Variants in JPH2 observed in about 807,000 individuals in gnomAD.
The protein encoded by JPH2 is junctophilin-2.
JPH2 carries 38 observed loss-of-function variants against 55.9 expected under a neutral mutation model. The observed-to-expected ratio is 0.68, with a 90% CI of 0.52 to 0.89. JPH2 has a LOEUF of 0.89. Among genes scored for constraint, JPH2 ranks in the 40% least tolerant of loss-of-function variants. The pLI is 0.00. For synonymous variants in JPH2, 480 were observed against 472.4 expected, an observed-to-expected ratio of 1.02 and a Z score of -0.21; for missense variants, 964 against 1,037.6, an observed-to-expected ratio of 0.93 and a Z score of 0.97.
Position 44,160,577 on chromosome 20 carries a change from T to G in JPH2, c.380-170A>C, listed in dbSNP as rs955818604. On this transcript the variant is annotated intron_variant, in intron 1 of 5. Coordinates refer to ENST00000372980, the MANE Select transcript of JPH2 (RefSeq NM_020433.5). The surrounding 1 kb of genome is among the most constrained non-coding windows in gnomAD (Gnocchi z 4.9). The stretch of plus-strand genomic sequence containing the variant: ...CTATGAGTGTTTGAGTCTACTCGAG[T>G]GTGCAATAACACGAGTGGGTGAGCC... Among the ~76,000 whole-genome samples the G allele has an allele frequency of 1.8e-4, 27 of 152,074 alleles. No individual in the cohort carries two copies. Among genetic ancestry groups the G allele is most frequent in the Non-Finnish European group, 2.6e-4 (18 of 67,988 alleles).
At chr20:44,117,596 C>T (rs1342122213) in intron 3 of JPH2, among the ~76,000 whole-genome samples, 1 of 152,248 alleles carries the variant, frequency 6.6e-6, no homozygotes, top group Non-Finnish European at 1.5e-5. Flanking sequence ...CATTCATGGG[C>T]TCCACCTGAG....
chr20:44,133,273 C>A (rs2072337661), intron 2 of JPH2, among the ~76,000 whole-genome samples: 1 of 150,402 alleles, frequency 6.6e-6, no homozygotes, highest in African/African-American at 2.5e-5. Context: ...TGCCAGGACC[C>A]ACACTAATAC....
chr20:44,177,102 C>T, intron 1 of JPH2: 2 of 985,494 alleles, frequency 2.0e-6, no homozygotes, highest in Non-Finnish European at 2.4e-6. Flanking sequence ...CTCATCAGTT[C>T]CCTTTAAGCA....
Position 44,159,895 on chromosome 20 carries a change from C to A in JPH2, c.892G>T (p.Asp298Tyr). 1 of 1,613,156 alleles carries A rather than the reference C, an allele frequency of 6.2e-7. No individual in the cohort carries two copies. The highest frequency in any genetic ancestry group is 8.5e-7 in the Non-Finnish European group (1 of 1,179,806). Residue 298 changes from aspartate to tyrosine, a missense_variant, in exon 2 of 6, where the codon GAC becomes TAC. Physicochemically the swap from Asp to Tyr is radical, Grantham distance 160 (BLOSUM62 -3). Transcript: ENST00000372980. The surrounding 1 kb of genome is among the most constrained non-coding windows in gnomAD (Gnocchi z 5.7). ...TETYMGEWKN[D>Y]KRSGFGVSER... ...CTCACGCCGAAGCCCGAGCGTTTGT[C>A]GTTCTTCCACTCGCCCATGTAGGTC...
chr20:44,170,702 GAC>G (rs1569216451), intron 1 of JPH2, among the ~76,000 whole-genome samples: 1 of 152,200 alleles, frequency 6.6e-6, no homozygotes, highest in Admixed American at 6.5e-5. Context: ...CCAGGGCTAA[GAC>G]AGCTTTGGAG....
chr20:44,120,873 T>C (rs1293469025), intron 2 of JPH2, among the ~76,000 whole-genome samples: 1 of 152,262 alleles, frequency 6.6e-6, no homozygotes, highest in Non-Finnish European at 1.5e-5. Context: ...TCTATACCAG[T>C]AGCTGAGCAT....
At chr20:44,181,122 C>G (rs1024450679) in intron 1 of JPH2, among the ~76,000 whole-genome samples, 1 of 152,086 alleles carries the variant, frequency 6.6e-6, no homozygotes, top group African/African-American at 2.4e-5. Flanking sequence ...CCTTCCCCTT[C>G]CCATGCGAGA....
chr20:44,161,163 AT>A (rs2072607257), intron 1 of JPH2, among the ~76,000 whole-genome samples: 1 of 152,124 alleles, frequency 6.6e-6, no homozygotes, highest in Non-Finnish European at 1.5e-5. Flanking sequence ...AGTTGACATT[AT>A]GGATGTGTAT....
chr20:44,169,173 A>ATT (rs59206814), intron 1 of JPH2, among the ~76,000 whole-genome samples: 5 of 136,942 alleles, frequency 3.7e-5, no homozygotes, highest in Admixed American at 7.3e-5. Flanking sequence ...GGCCTTGGGT[A>ATT]TTTTTTTTTT....
At chr20:44,115,213 G>A (rs999665878) in intron 4 of JPH2, among the ~76,000 whole-genome samples, 3 of 152,014 alleles carry the variant, frequency 2.0e-5, no homozygotes, top group African/African-American at 4.8e-5. Flanking sequence ...CTTTGTTGCC[G>A]CCGTTCCTAG....
At chr20:44,157,981 A>G (rs890406674) in intron 2 of JPH2, among the ~76,000 whole-genome samples, 5 of 152,184 alleles carry the variant, frequency 3.3e-5, no homozygotes, top group Non-Finnish European at 5.9e-5. Flanking sequence ...CTGCTGCTGT[A>G]CCCCACCCCA....
chr20:44,142,528 C>G (rs995656316), intron 2 of JPH2, among the ~76,000 whole-genome samples: 1 of 152,174 alleles, frequency 6.6e-6, no homozygotes. Context: ...CTCCCTCTCC[C>G]GGGCAGCTCC....
intron 2 of JPH2, among the ~76,000 whole-genome samples, chr20:44,135,446 C>G (rs184421555): frequency 6.6e-6 from 1 of 152,084 alleles, no homozygotes; most frequent in Admixed American, 6.6e-5. Context: ...GTCTCCATCC[C>G]CATCTTTCGG....
At chr20:44,153,337 C>G (rs1281436632) in intron 2 of JPH2, among the ~76,000 whole-genome samples, 1 of 152,134 alleles carries the variant, frequency 6.6e-6, no homozygotes, top group Non-Finnish European at 1.5e-5. Flanking sequence ...GGAAAGTGAG[C>G]CCAGAGGGGT....
intron 2 of JPH2, among the ~76,000 whole-genome samples, chr20:44,130,495 T>A (rs902582364): frequency 2.6e-5 from 4 of 152,222 alleles, no homozygotes; most frequent in Admixed American, 6.5e-5. Flanking sequence ...AGGACGGAGA[T>A]CTGGCTGCAC....
chr20:44,151,635 G>A (rs1249675940), intron 2 of JPH2, among the ~76,000 whole-genome samples: 1 of 152,296 alleles, frequency 6.6e-6, no homozygotes, highest in South Asian at 2.1e-4. Flanking sequence ...AGACCGGGGA[G>A]ACCTGGTTCC....
chr20:44,169,018 G>A (rs933700933), intron 1 of JPH2, among the ~76,000 whole-genome samples: 5 of 152,112 alleles, frequency 3.3e-5, no homozygotes, highest in African/African-American at 1.2e-4. Flanking sequence ...CTTGCCATGT[G>A]ATCTCTGCAC....
chr20:44,119,733 G>A (rs2072220840), intron 2 of JPH2, among the ~76,000 whole-genome samples: 1 of 152,058 alleles, frequency 6.6e-6, no homozygotes. Flanking sequence ...AATTAGCCGG[G>A]CATGGTGGCG....
At position 44,185,601 on chromosome 20, in the gene JPH2, C is replaced by A. The variant is rs115866378; in HGVS notation, c.379+726G>T. On this transcript the variant is annotated intron_variant, in intron 1 of 5. Transcript: ENST00000372980. ...AAAGAGCCGAGATCATGCCACAACACTCCAGCCTGGGCAACAGAACGAGAA... is the reference window on the plus strand; with the variant it reads ...AAAGAGCCGAGATCATGCCACAACAATCCAGCCTGGGCAACAGAACGAGAA... Among the ~76,000 whole-genome samples the A allele has an allele frequency of 2.1e-3, 313 of 151,244 alleles. 1 individual carries two copies. Among genetic ancestry groups the A allele is most frequent in the African/African-American group, 7.2e-3 (298 of 41,156 alleles).
Sources: gnomAD v4.1 joint callset for allele counts (sites outside exome capture counted in the v4.1 genomes callset) on GRCh38, gnomAD v4.1.1 for gene constraint, Gnocchi (gnomAD v3.1) non-coding constraint, MANE v1.5 for transcripts, NCBI Gene and HGNC (gene_info 2026-07-23, HGNC 2026-07-21) for gene names.